The following TEN1 variants were observed in gnomAD, a reference collection of about 807,000 sequenced individuals.
The protein encoded by TEN1 is TEN1 subunit of CST complex.
TEN1 carries 6 observed loss-of-function variants against 9.3 expected under a neutral mutation model. The ratio of observed to expected loss-of-function variants is 0.65; its 90% CI spans 0.35 to 1.27. The LOEUF is 1.27. Ranked by LOEUF, TEN1 falls within the 50% of genes most tolerant of loss-of-function variation. TEN1 has a pLI of 0.03. For missense variants in TEN1, 149 were observed against 158.2 expected (o/e 0.94, Z 0.31); for synonymous variants, 65 against 65.6 (o/e 0.99, Z 0.04).
chr17:75,997,065 C>T (rs1381093124), intron 3 of TEN1, among the ~76,000 whole-genome samples: 2 of 152,302 alleles, frequency 1.3e-5, no homozygotes, highest in East Asian at 3.9e-4. Flanking sequence ...GCCATCCACT[C>T]TCCCTTCTAC....
At chr17:75,979,628 C>T (rs552871785) in intron 1 of TEN1, 117 bp downstream of exon 1, 3 of 197,796 alleles carry the variant, frequency 1.5e-5, no homozygotes, top group Admixed American at 5.4e-5. Context: ...TGCCCCTAGG[C>T]CTCTCCGAAA....
rs34463013 is a variant in TEN1 at position 75,990,791 on chromosome 17, G to GA, written c.93-661dup. ...GGTCAAGGCTGCAGCCTGGGATACA[G>GA]AAAAAAAAAAAAAAGAAAGGAAGAA... is the stretch of plus-strand genomic sequence containing the variant. On this transcript the variant is annotated intron_variant, in intron 2 of 3. Transcript: ENST00000397640. Among the ~76,000 whole-genome samples the GA allele has an allele frequency of 1.0e-2, 1,231 of 123,344 alleles. 15 individuals are homozygous for GA. The highest frequency in any genetic ancestry group is 0.025 in the African/African-American group (909 of 36,008). The allele number at this position is 123,344 out of a possible 152,430, so 80.9% of individuals were successfully genotyped here.
intron 3 of TEN1, among the ~76,000 whole-genome samples, chr17:75,998,890 C>T (rs568270699): frequency 9.2e-5 from 14 of 152,146 alleles, no homozygotes; most frequent in African/African-American, 2.2e-4. Context: ...GGGGTTTTGC[C>T]GTGTTGGCCA....
At chr17:75,983,526 C>A (rs2066135271) in intron 1 of TEN1, among the ~76,000 whole-genome samples, 1 of 152,162 alleles carries the variant, frequency 6.6e-6, no homozygotes, top group Non-Finnish European at 1.5e-5. Context: ...GTTTTCATAG[C>A]CTATGCCACC....
intron 1 of TEN1, among the ~76,000 whole-genome samples, chr17:75,984,061 T>A (rs755462151): frequency 3.3e-5 from 5 of 152,158 alleles, no homozygotes; most frequent in Non-Finnish European, 7.3e-5. Context: ...CAAAGGTGGC[T>A]GCGTTTTAGG....
intron 2 of TEN1, among the ~76,000 whole-genome samples, chr17:75,990,704 A>G (rs2066179474): frequency 6.6e-6 from 1 of 151,134 alleles, no homozygotes; most frequent in African/African-American, 2.4e-5. Flanking sequence ...TGTGATGGCA[A>G]GTACCTATAG....
intron 2 of TEN1, among the ~76,000 whole-genome samples, chr17:75,988,908 T>C (rs1438244293): frequency 4.1e-5 from 6 of 145,646 alleles, no homozygotes; most frequent in East Asian, 4.3e-4. Context: ...GTAGCTGGTA[T>C]TACAGGCAAC....
At chr17:75,984,248 C>T (rs937495424) in intron 1 of TEN1, among the ~76,000 whole-genome samples, 12 of 152,214 alleles carry the variant, frequency 7.9e-5, no homozygotes, top group African/African-American at 2.9e-4. Context: ...GGACATCTTA[C>T]TTCTCTATCA....
At chr17:75,996,514 GGGTAA>G (rs577781275) in intron 3 of TEN1, among the ~76,000 whole-genome samples, 73 of 151,726 alleles carry the variant, frequency 4.8e-4, no homozygotes, top group African/African-American at 1.7e-3. Context: ...TAACCAGCCT[GGGTAA>G]CATGGTGAAA....
At position 75,979,578 on chromosome 17, in the gene TEN1, C is replaced by T. The variant is rs570398282; in HGVS notation, c.-7+67C>T. 4 of 242,860 alleles carry T rather than the reference C, an allele frequency of 1.6e-5. No individual in the cohort carries two copies. The East Asian group carries it at 4.7e-4, about 29-fold the overall frequency. The allele number at this position is 242,860 out of a possible 1,614,324, so 15.0% of individuals were successfully genotyped here. Reference sequence around the variant, plus strand: ...AGGAGGGATTGCGCCTGCACTTGCCCCCCTCTTACCCCGCGGCCTCTGTCA... The same window carrying T: ...AGGAGGGATTGCGCCTGCACTTGCCTCCCTCTTACCCCGCGGCCTCTGTCA... On this transcript the variant is annotated intron_variant, in intron 1 of 3. Transcript: ENST00000397640.
At chr17:75,984,756 G>A (rs1293664710) in intron 1 of TEN1, 1 of 152,264 alleles carries the variant, frequency 6.6e-6, no homozygotes, top group Non-Finnish European at 1.5e-5. Context: ...GTCTGTTCCT[G>A]TCAAGGAACA....
chr17:75,995,328 A>G (rs1266728329), intron 3 of TEN1, among the ~76,000 whole-genome samples: 6 of 152,118 alleles, frequency 3.9e-5, no homozygotes, highest in African/African-American at 1.4e-4. Context: ...GGAGTTCAAG[A>G]CCAGCCTGGG....
intron 1 of TEN1, among the ~76,000 whole-genome samples, chr17:75,982,097 G>T (rs1416275797): frequency 6.6e-6 from 1 of 151,998 alleles, no homozygotes; most frequent in Non-Finnish European, 1.5e-5. Context: ...GTAAAAACTG[G>T]CCAAAAAGAA....
intron 3 of TEN1, among the ~76,000 whole-genome samples, chr17:75,992,615 CCATT>C (rs2066193017): frequency 1.3e-5 from 2 of 151,126 alleles, no homozygotes; most frequent in South Asian, 2.1e-4. Context: ...CGGGTTCACG[CCATT>C]CTCCTGCCTC....
At chr17:75,996,692 G>A (rs1293847191) in intron 3 of TEN1, among the ~76,000 whole-genome samples, 2 of 123,326 alleles carry the variant, frequency 1.6e-5, no homozygotes, top group East Asian at 4.7e-4. Context: ...CTGGGTGACA[G>A]AGTGAGACCC....
Position 75,979,410 on chromosome 17 carries a change from G to T in TEN1, c.-108G>T. 2.2e-6 allele frequency: 1 copy of T among 463,978 alleles called. No individual in the cohort carries two copies. The highest frequency in any genetic ancestry group is 4.0e-6 in the Non-Finnish European group (1 of 252,332). The allele number at this position is 463,978 out of a possible 1,614,324, so 28.7% of individuals were successfully genotyped here. On this transcript the variant is annotated 5_prime_UTR_variant, in exon 1 of 4. The change creates a premature stop within an existing upstream ORF in the 5' untranslated region. Coordinates refer to ENST00000397640, the MANE Select transcript of TEN1 (RefSeq NM_001113324.3). ...AGAAACTGCCCTGCTGGGCGTCCGG[G>T]GAGTGGGAAAATAAAGCACTTTTTG...
At chr17:75,996,399 C>T (rs1042190614) in intron 3 of TEN1, among the ~76,000 whole-genome samples, 9 of 152,002 alleles carry the variant, frequency 5.9e-5, no homozygotes, top group Non-Finnish European at 1.2e-4. Context: ...GCAGGAGAAT[C>T]GCTTGAAACT....
intron 2 of TEN1, 121 bp from the exon 3 acceptor site, chr17:75,991,345 A>G: frequency 9.6e-7 from 1 of 1,042,092 alleles, no homozygotes. Flanking sequence ...TGCAATTTGC[A>G]TTTCTGTGAT....
Position 75,983,837 on chromosome 17 carries a change from T to C in TEN1, c.-6-2350T>C, listed in dbSNP as rs2066136942. Among the ~76,000 whole-genome samples, 7 of 151,936 alleles carry C rather than the reference T, an allele frequency of 4.6e-5. No homozygotes were observed. In the South Asian group the frequency reaches 1.5e-3, roughly 32 times the overall value. On this transcript the variant is annotated intron_variant, in intron 1 of 3. Transcript: ENST00000397640. ...CCTCTGAGGGGGGCCGCAGGAGTGGTGGGTGGGGTCCATGTGGAGTTGTTG... is the reference window on the plus strand; with the variant it reads ...CCTCTGAGGGGGGCCGCAGGAGTGGCGGGTGGGGTCCATGTGGAGTTGTTG...
Sources: allele counts gnomAD v4.1 joint callset (sites outside exome capture counted in the v4.1 genomes callset), GRCh38; gene constraint gnomAD v4.1.1; transcripts MANE v1.5; gene names NCBI Gene and HGNC (gene_info 2026-07-23, HGNC 2026-07-21).